Variants in MMP16 observed in about 807,000 individuals in gnomAD.
The protein encoded by MMP16 is matrix metallopeptidase 16.
In MMP16, 12 loss-of-function variants were observed where a neutral mutation model predicts 67.8. The observed-to-expected ratio is 0.18, with a 90% CI of 0.11 to 0.29. The LOEUF (loss-of-function observed/expected upper bound fraction) is 0.29, where lower values mean the gene tolerates loss of function less well. Among genes scored for constraint, MMP16 ranks in the 10% least tolerant of loss-of-function variants. The probability of loss-of-function intolerance (pLI) is 1.00; values close to 1 mark genes in which losing one functional copy is unlikely to be tolerated. For missense variants in MMP16, 475 were observed against 765.7 expected (o/e 0.62, Z 4.48); for synonymous variants, 249 against 255.9 (o/e 0.97, Z 0.26).
intron 1 of MMP16, among the ~76,000 whole-genome samples, chr8:88,326,196 C>T (rs1043430397): frequency 6.6e-6 from 1 of 152,088 alleles, no homozygotes; most frequent in Admixed American, 6.5e-5. Context: ...GTGTTACAGC[C>T]CAGGTGTATA....
chr8:88,117,897 C>T (rs556771342), intron 5 of MMP16, among the ~76,000 whole-genome samples: 11 of 152,104 alleles, frequency 7.2e-5, no homozygotes, highest in Admixed American at 1.3e-4. Context: ...AGCTTCACTT[C>T]ATTAATTTAG....
chr8:88,304,388 G>A (rs1447212145), intron 1 of MMP16, among the ~76,000 whole-genome samples: 1 of 152,180 alleles, frequency 6.6e-6, no homozygotes, highest in Non-Finnish European at 1.5e-5. Flanking sequence ...ATATCATCCA[G>A]GAGAACTTCC....
intron 1 of MMP16, among the ~76,000 whole-genome samples, chr8:88,236,347 C>T (rs1809939946): frequency 6.6e-6 from 1 of 152,240 alleles, no homozygotes; most frequent in African/African-American, 2.4e-5. Context: ...GTGCTTAGCA[C>T]AGTGCCTGAC....
chr8:88,148,251 G>T (rs1808328055), intron 4 of MMP16, among the ~76,000 whole-genome samples: 2 of 151,954 alleles, frequency 1.3e-5, no homozygotes, highest in South Asian at 4.2e-4. Flanking sequence ...ATCCTGCATT[G>T]AAGTTTTAAA....
rs1554579863 is a variant in MMP16, at chr8:88,131,268, T to TATACACACACAC, written c.710-12408_710-12407insGTGTGTGTGTAT. Among the ~76,000 whole-genome samples the TATACACACACAC allele has an allele frequency of 2.0e-4, 30 of 146,962 alleles. No individual in the cohort carries two copies. In the South Asian group the frequency reaches 6.3e-3, roughly 31 times the overall value. On this transcript the variant is annotated intron_variant, in intron 4 of 9. Coordinates refer to ENST00000286614, the MANE Select transcript of MMP16 (RefSeq NM_005941.5). Reference sequence around the variant, plus strand: ...CTGAGTATGACTATCTATAGTATTATACACACACACACACACACACACACA... The same window carrying TATACACACACAC: ...CTGAGTATGACTATCTATAGTATTATATACACACACACACACACACACACACACACACACACA...
chr8:88,117,181 T>C (rs1045020770), intron 5 of MMP16, among the ~76,000 whole-genome samples: 5 of 152,196 alleles, frequency 3.3e-5, no homozygotes, highest in African/African-American at 1.2e-4. Flanking sequence ...GTTTATTCTA[T>C]CCAATGTGTC....
At chr8:88,235,427 T>C (rs1800388610) in intron 1 of MMP16, among the ~76,000 whole-genome samples, 5 of 149,220 alleles carry the variant, frequency 3.4e-5, no homozygotes, top group African/African-American at 9.9e-5. Context: ...GGAGAAAACA[T>C]GGTATTATAA....
At chr8:88,084,713 ATTC>A (rs1808805769) in intron 6 of MMP16, among the ~76,000 whole-genome samples, 1 of 152,046 alleles carries the variant, frequency 6.6e-6, no homozygotes, top group African/African-American at 2.4e-5. Context: ...GACCATGTTT[ATTC>A]TTGCAACTTT....
chr8:88,114,747 T>C (rs1809400169), intron 6 of MMP16, among the ~76,000 whole-genome samples: 1 of 152,004 alleles, frequency 6.6e-6, no homozygotes, highest in Non-Finnish European at 1.5e-5. Context: ...GGGCAGATTT[T>C]AGAAACTCTG....
At chr8:88,282,927 T>A (rs1471865729) in intron 1 of MMP16, among the ~76,000 whole-genome samples, 2 of 152,158 alleles carry the variant, frequency 1.3e-5, no homozygotes, top group Non-Finnish European at 2.9e-5. Context: ...CTTATTCAAG[T>A]TTTTTACATG....
At chr8:88,226,133 A>G (rs1586214345) in intron 1 of MMP16, among the ~76,000 whole-genome samples, 1 of 152,016 alleles carries the variant, frequency 6.6e-6, no homozygotes, top group East Asian at 1.9e-4. Flanking sequence ...ACACACAAAT[A>G]TATATATTAG....
At chr8:88,308,925 G>A (rs967807930) in intron 1 of MMP16, among the ~76,000 whole-genome samples, 2 of 151,812 alleles carry the variant, frequency 1.3e-5, no homozygotes, top group Non-Finnish European at 2.9e-5. Context: ...TTTAAAAAAT[G>A]CAAATAGTTT....
At chr8:88,285,636 C>T (rs1426248734) in intron 1 of MMP16, among the ~76,000 whole-genome samples, 2 of 152,138 alleles carry the variant, frequency 1.3e-5, no homozygotes. Flanking sequence ...AGAGATAAAA[C>T]TTTTGATGAT....
At chr8:88,095,753 T>G (rs1364419003) in intron 6 of MMP16, among the ~76,000 whole-genome samples, 1 of 151,918 alleles carries the variant, frequency 6.6e-6, no homozygotes, top group Non-Finnish European at 1.5e-5. Flanking sequence ...AGTACCTTCC[T>G]GAATAACCTC....
chr8:88,298,527 C>T (rs541060608), intron 1 of MMP16, among the ~76,000 whole-genome samples: 20 of 152,168 alleles, frequency 1.3e-4, no homozygotes, highest in Non-Finnish European at 2.6e-4. Flanking sequence ...AAAAATCACA[C>T]GAGAGGAGGG....
intron 7 of MMP16, among the ~76,000 whole-genome samples, chr8:88,066,106 C>A (rs1488210646): frequency 6.6e-6 from 1 of 152,078 alleles, no homozygotes; most frequent in Non-Finnish European, 1.5e-5. Context: ...TTGAGACAAC[C>A]TTTCAGCTAC....
intron 1 of MMP16, among the ~76,000 whole-genome samples, chr8:88,213,757 A>G (rs1369973519): frequency 6.6e-6 from 1 of 152,208 alleles, no homozygotes. Flanking sequence ...ATACCAAAGA[A>G]GCAGCAGTCT....
Position 88,207,478 on chromosome 8 carries a change from T to C in MMP16, c.133-10172A>G, listed in dbSNP as rs533576634. Among the ~76,000 whole-genome samples, 11 of 152,292 alleles carry C rather than the reference T, an allele frequency of 7.2e-5. No homozygotes were observed. The South Asian group carries it at 1.0e-3, about 14-fold the overall frequency. On this transcript the variant is annotated intron_variant, in intron 1 of 9. Transcript: ENST00000286614. ...GCAGTTCTCACGTATTTTTATTGTG[T>C]TTACTGCAATACCATAAACCTTGAA...
At chr8:88,078,079 T>A (rs1319799689) in intron 6 of MMP16, among the ~76,000 whole-genome samples, 1 of 152,040 alleles carries the variant, frequency 6.6e-6, no homozygotes, top group African/African-American at 2.4e-5. Context: ...TCCCTCTTTG[T>A]TTTCTTCTCT....
Sources: allele counts gnomAD v4.1 joint callset (sites outside exome capture counted in the v4.1 genomes callset), GRCh38; gene constraint gnomAD v4.1.1; transcripts MANE v1.5; gene names NCBI Gene and HGNC (gene_info 2026-07-23, HGNC 2026-07-21).